DGKB: variants seen among roughly 807,000 people sequenced by gnomAD.
DGKB encodes diacylglycerol kinase beta, also known as 90 kDa diacylglycerol kinase.
In DGKB, 67 loss-of-function variants were observed where a neutral mutation model predicts 114.3. That is an observed-to-expected ratio of 0.59 (90% CI 0.48 to 0.72). The LOEUF (loss-of-function observed/expected upper bound fraction) is 0.72. Among genes scored for constraint, DGKB ranks in the 30% least tolerant of loss-of-function variants. DGKB has a pLI of 0.00. For synonymous variants in DGKB, 398 were observed against 323.1 expected, an observed-to-expected ratio of 1.23 and a Z score of -2.49; for missense variants, 907 against 975.2, an observed-to-expected ratio of 0.93 and a Z score of 0.93.
Position 14,146,472 on chromosome 7 carries a change from A to G in DGKB, c.*2659T>C, listed in dbSNP as rs1781488151. ...ACTCAATAGCTGAAAATTTATCTGC[A>G]CACATAGAAGAGAAGTTTCCATCTT... On this transcript the variant is annotated 3_prime_UTR_variant, in exon 26 of 26. Transcript: ENST00000402815. 1 of 152,212 alleles carries G rather than the reference A, an allele frequency of 6.6e-6. No homozygotes were observed. The highest frequency in any genetic ancestry group is 2.1e-4 in the South Asian group (1 of 4,836). The allele number at this position is 152,212 out of a possible 1,614,324, so 9.4% of individuals were successfully genotyped here.
At chr7:14,278,731 C>T (rs998514853) in intron 23 of DGKB, among the ~76,000 whole-genome samples, 2 of 152,014 alleles carry the variant, frequency 1.3e-5, no homozygotes, top group Non-Finnish European at 2.9e-5. Context: ...GCAAATTATA[C>T]ATCTGATAGG....
chr7:14,744,345 G>C (rs1290080162), intron 4 of DGKB, among the ~76,000 whole-genome samples: 1 of 152,178 alleles, frequency 6.6e-6, no homozygotes, highest in African/African-American at 2.4e-5. Context: ...GACTGGAGAG[G>C]TGTACTTCCT....
intron 1 of DGKB, among the ~76,000 whole-genome samples, chr7:14,936,971 A>C (rs1345894532): frequency 6.8e-6 from 1 of 147,212 alleles, no homozygotes; most frequent in Non-Finnish European, 1.5e-5. Flanking sequence ...CCTTGTAATG[A>C]CTTTCTGCTT....
At chr7:14,620,177 C>G (rs10247504) in intron 15 of DGKB, among the ~76,000 whole-genome samples, 4,123 of 151,188 alleles carry the variant, frequency 0.027, 172 homozygotes, top group African/African-American at 0.095. Flanking sequence ...AAATGTACAT[C>G]TTGATTTACT....
At chr7:14,346,856 G>A (rs1812561255) in intron 21 of DGKB, among the ~76,000 whole-genome samples, 1 of 151,912 alleles carries the variant, frequency 6.6e-6, no homozygotes, top group Admixed American at 6.6e-5. Flanking sequence ...AAAAATATTG[G>A]TTTATACAAA....
chr7:14,481,817 G>A (rs1468797120), intron 20 of DGKB, among the ~76,000 whole-genome samples: 2 of 151,978 alleles, frequency 1.3e-5, no homozygotes, highest in East Asian at 3.9e-4. Context: ...TTCAAAAGCT[G>A]GTTTTCGGTG....
rs777310604 is a variant in DGKB, at chr7:14,701,744, G to A, written c.467-14C>T. 3.1e-6 allele frequency: 5 copies of A among 1,592,430 alleles called. No homozygotes were observed. The highest frequency in any genetic ancestry group is 3.4e-5 in the Admixed American group (2 of 59,690). ...GGCGAAACATAACTAGAATGAAAGA[G>A]GTGTTGAAAACAAGATTATAGGCAA... On this transcript the variant is annotated splice_polypyrimidine_tract_variant and intron_variant, in intron 6 of 25. Coordinates refer to ENST00000402815, the MANE Select transcript of DGKB (RefSeq NM_001350709.2).
chr7:14,296,137 TTA>T (rs1272347461), intron 23 of DGKB, among the ~76,000 whole-genome samples: 1 of 151,446 alleles, frequency 6.6e-6, no homozygotes, highest in East Asian at 2.0e-4. Context: ...GTTCAAGCAA[TTA>T]TCCTGCCTCA....
At chr7:14,695,905 G>T (rs1823789943) in intron 8 of DGKB, among the ~76,000 whole-genome samples, 1 of 152,032 alleles carries the variant, frequency 6.6e-6, no homozygotes, top group African/African-American at 2.4e-5. Context: ...AGATGACAAG[G>T]CAGTTCCCAT....
chr7:14,905,471 T>G (rs1321960428), upstream of DGKB, among the ~76,000 whole-genome samples: 1 of 152,138 alleles, frequency 6.6e-6, no homozygotes, highest in African/African-American at 2.4e-5. Context: ...GATGCTTCTC[T>G]GCTCCCATCA....
intron 21 of DGKB, among the ~76,000 whole-genome samples, chr7:14,418,113 A>G (rs1159066389): frequency 7.3e-6 from 1 of 137,124 alleles, no homozygotes; most frequent in African/African-American, 2.6e-5. Flanking sequence ...ATGCTTCTAG[A>G]GTTAGAGTTT....
chr7:14,402,622 A>G (rs1038166948), intron 21 of DGKB, among the ~76,000 whole-genome samples: 19 of 152,058 alleles, frequency 1.2e-4, no homozygotes, highest in African/African-American at 4.6e-4. Context: ...GTGAAAAGTT[A>G]TTATCTATAG....
intron 21 of DGKB, among the ~76,000 whole-genome samples, chr7:14,350,460 A>G (rs1304260467): frequency 6.6e-6 from 1 of 152,060 alleles, no homozygotes; most frequent in African/African-American, 2.4e-5. Context: ...AAAGTAACCT[A>G]ATTAGACATG....
At chr7:14,429,699 G>A (rs1835677) in intron 21 of DGKB, among the ~76,000 whole-genome samples, 15,558 of 152,130 alleles carry the variant, frequency 0.1, 1,032 homozygotes, top group East Asian at 0.28. Context: ...AAGGTGGGCA[G>A]ATCACGAGGT....
At chr7:14,283,708 T>C (rs1562833941) in intron 23 of DGKB, among the ~76,000 whole-genome samples, 4 of 151,974 alleles carry the variant, frequency 2.6e-5, no homozygotes, top group African/African-American at 2.4e-5. Flanking sequence ...GAAATAACGC[T>C]GCATATCTAC....
At chr7:14,551,685 A>T (rs922962974) in intron 20 of DGKB, among the ~76,000 whole-genome samples, 3 of 152,144 alleles carry the variant, frequency 2.0e-5, no homozygotes, top group Admixed American at 2.0e-4. Flanking sequence ...AGAGCTTTTC[A>T]GACTTGGCCT....
intron 23 of DGKB, among the ~76,000 whole-genome samples, chr7:14,181,748 G>A (rs1372453861): frequency 6.6e-6 from 1 of 152,138 alleles, no homozygotes; most frequent in Non-Finnish European, 1.5e-5. Flanking sequence ...CTATCTAGAG[G>A]AAGACGTTGC....
intron 1 of DGKB, among the ~76,000 whole-genome samples, chr7:14,919,906 T>G (rs1784433178): frequency 6.6e-6 from 1 of 152,144 alleles, no homozygotes; most frequent in Non-Finnish European, 1.5e-5. Context: ...TGATTGTAAG[T>G]TTCCTGAGGC....
At chr7:14,532,207 C>T (rs1036550247) in intron 20 of DGKB, among the ~76,000 whole-genome samples, 1 of 148,704 alleles carries the variant, frequency 6.7e-6, no homozygotes, top group Non-Finnish European at 1.5e-5. Context: ...AATTAAACTT[C>T]ACAAGGAACA....
Sources: allele counts gnomAD v4.1 joint callset (sites outside exome capture counted in the v4.1 genomes callset), GRCh38; gene constraint gnomAD v4.1.1; transcripts MANE v1.5; gene names NCBI Gene and HGNC (gene_info 2026-07-23, HGNC 2026-07-21).